PPP2R3A: variants seen among roughly 807,000 people sequenced by gnomAD.
PPP2R3A encodes the protein protein phosphatase 2 regulatory subunit B''alpha.
A neutral mutation model predicts 106.9 loss-of-function variants in PPP2R3A; 80 were observed. The observed-to-expected ratio is 0.75, with a 90% confidence interval of 0.62 to 0.90. The LOEUF is 0.90. Ranked by LOEUF, PPP2R3A falls within the 40% of genes least tolerant of loss-of-function variation. PPP2R3A has a pLI of 0.00. For synonymous variants in PPP2R3A, 483 were observed against 468.3 expected (o/e 1.03, Z -0.41); for missense variants, 1,386 against 1,350.4 (o/e 1.03, Z -0.41).
chr3:136,033,789 G>A (rs972565918), intron 3 of PPP2R3A, among the ~76,000 whole-genome samples: 11 of 151,776 alleles, frequency 7.2e-5, no homozygotes, highest in Non-Finnish European at 1.3e-4. Flanking sequence ...TTCTTAGTTA[G>A]TCTTGCTAAT....
intron 1 of PPP2R3A, among the ~76,000 whole-genome samples, chr3:135,999,007 A>G (rs1933512724): frequency 6.6e-6 from 1 of 152,144 alleles, no homozygotes; most frequent in African/African-American, 2.4e-5. Flanking sequence ...AATGGGAGAA[A>G]CTTGGCCTCA....
At chr3:136,052,131 T>G (rs563234900) in intron 5 of PPP2R3A, among the ~76,000 whole-genome samples, 1 of 152,356 alleles carries the variant, frequency 6.6e-6, no homozygotes, top group Non-Finnish European at 1.5e-5. Context: ...ATATTTGAAC[T>G]GCATTGTAAT....
chr3:136,078,719 T>C (rs1456428613), intron 7 of PPP2R3A, among the ~76,000 whole-genome samples: 1 of 152,122 alleles, frequency 6.6e-6, no homozygotes, highest in Non-Finnish European at 1.5e-5. Context: ...CTTGATAAAT[T>C]CCATAGACAT....
At chr3:136,097,486 A>G (rs1167473998) in intron 10 of PPP2R3A, among the ~76,000 whole-genome samples, 2 of 152,236 alleles carry the variant, frequency 1.3e-5, no homozygotes, top group Non-Finnish European at 2.9e-5. Context: ...CAGTATATCT[A>G]TCTTTGCATT....
chr3:136,032,580 T>C (rs1576449195), intron 3 of PPP2R3A, among the ~76,000 whole-genome samples: 1 of 151,568 alleles, frequency 6.6e-6, no homozygotes, highest in African/African-American at 2.4e-5. Context: ...CAGGCTGGAG[T>C]GCAGTGGCTC....
intron 2 of PPP2R3A, among the ~76,000 whole-genome samples, chr3:136,011,372 C>T (rs1353487605): frequency 6.6e-6 from 1 of 152,198 alleles, no homozygotes; most frequent in African/African-American, 2.4e-5. Context: ...GTAGCTGGCA[C>T]TCAGTGTTCA....
At chr3:136,135,107 A>G (rs1275397603) in intron 13 of PPP2R3A, among the ~76,000 whole-genome samples, 1 of 151,894 alleles carries the variant, frequency 6.6e-6, no homozygotes, top group Non-Finnish European at 1.5e-5. Flanking sequence ...GAAGGAAGAA[A>G]GAGGAGGCAG....
At chr3:136,011,886 A>T (rs1041929033) in intron 2 of PPP2R3A, among the ~76,000 whole-genome samples, 5 of 152,082 alleles carry the variant, frequency 3.3e-5, no homozygotes, top group Admixed American at 1.3e-4. Flanking sequence ...CATAATGCTC[A>T]TTGTCACCAG....
intron 5 of PPP2R3A, among the ~76,000 whole-genome samples, chr3:136,064,679 G>A (rs1300117771): frequency 6.6e-6 from 1 of 152,064 alleles, no homozygotes; most frequent in Admixed American, 6.6e-5. Flanking sequence ...AGACAGCCAC[G>A]ATCTAAACAA....
rs1381615677 is a variant in PPP2R3A at position 136,002,630 on chromosome 3, T to C, written c.1132T>C (p.Tyr378His). ...SIPNNSTNSL[Y>H]NLEVNDPRTL... ...TCCAAACAACTCCACAAATTCCTTATATAACTTAGAGGTAAATGATCCTAG... is the reference window on the plus strand; with the variant it reads ...TCCAAACAACTCCACAAATTCCTTACATAACTTAGAGGTAAATGATCCTAG... The change falls in exon 2 of 14, where the codon TAT (tyrosine) becomes CAT (histidine). Residue 378 changes from tyrosine (Y) to histidine (H), a missense_variant. Physicochemically the swap from Tyr to His is moderately conservative, Grantham distance 83 (BLOSUM62 2). Coordinates refer to ENST00000264977, the MANE Select transcript of PPP2R3A (RefSeq NM_002718.5). The C allele has an allele frequency of 6.2e-7, 1 of 1,613,936 alleles. No individual in the cohort carries two copies. Among genetic ancestry groups the C allele is most frequent in the Non-Finnish European group, 8.5e-7 (1 of 1,179,832 alleles).
chr3:135,983,791 C>T (rs1369171559), intron 1 of PPP2R3A, among the ~76,000 whole-genome samples: 2 of 152,070 alleles, frequency 1.3e-5, no homozygotes, highest in South Asian at 2.1e-4. Context: ...TTAATTATGT[C>T]CTAGTCAGTT....
At chr3:136,012,456 T>A (rs939816249) in intron 2 of PPP2R3A, among the ~76,000 whole-genome samples, 4 of 152,220 alleles carry the variant, frequency 2.6e-5, no homozygotes, top group Non-Finnish European at 5.9e-5. Context: ...ACAAAAATGC[T>A]TATTAGGTTT....
intron 2 of PPP2R3A, among the ~76,000 whole-genome samples, chr3:136,022,297 T>TAAAATGTCAAAAAA: frequency 6.6e-6 from 1 of 152,122 alleles, no homozygotes; most frequent in African/African-American, 2.4e-5. Context: ...AATTTTCAAA[T>TAAAATGTCAAAAAA]ATGTTCATCA....
At chr3:135,996,955 C>A (rs1933423801) in intron 1 of PPP2R3A, among the ~76,000 whole-genome samples, 1 of 152,120 alleles carries the variant, frequency 6.6e-6, no homozygotes, top group South Asian at 2.1e-4. Flanking sequence ...AAACTGGTTT[C>A]TTTCCCCCTG....
intron 13 of PPP2R3A, among the ~76,000 whole-genome samples, chr3:136,126,306 C>T (rs1042629679): frequency 1.3e-5 from 2 of 152,256 alleles, no homozygotes; most frequent in Non-Finnish European, 2.9e-5. Flanking sequence ...AACTGGCAGA[C>T]AAGGAGATTC....
At chr3:136,042,326 A>G (rs1576456540) in intron 4 of PPP2R3A, among the ~76,000 whole-genome samples, 1 of 152,106 alleles carries the variant, frequency 6.6e-6, no homozygotes, top group East Asian at 1.9e-4. Context: ...AACAGCACAC[A>G]CTGGGGCCTG....
At chr3:136,086,137 A>T (rs1936921551) in intron 8 of PPP2R3A, among the ~76,000 whole-genome samples, 1 of 151,444 alleles carries the variant, frequency 6.6e-6, no homozygotes, top group Non-Finnish European at 1.5e-5. Context: ...TCAAAGAAAA[A>T]AAAAAAGGTT....
chr3:136,098,705 A>G (rs1937279224), intron 10 of PPP2R3A, among the ~76,000 whole-genome samples: 1 of 152,224 alleles, frequency 6.6e-6, no homozygotes. Context: ...GCAAATAAAC[A>G]TAGCAGACTG....
chr3:136,108,466 AG>A (rs1315353787), intron 13 of PPP2R3A, among the ~76,000 whole-genome samples: 5 of 152,230 alleles, frequency 3.3e-5, no homozygotes. Flanking sequence ...AATTAGGTAT[AG>A]GTAAGGAAAG....
Sources: gnomAD v4.1 joint callset for allele counts (sites outside exome capture counted in the v4.1 genomes callset) on GRCh38, gnomAD v4.1.1 for gene constraint, MANE v1.5 for transcripts, NCBI Gene and HGNC (gene_info 2026-07-23, HGNC 2026-07-21) for gene names.